The following MDM2 variants were observed in gnomAD, a reference collection of about 807,000 sequenced individuals.
The protein encoded by MDM2 is MDM2 proto-oncogene.
Under a neutral mutation model 64.3 loss-of-function variants are expected in MDM2, and 11 were observed. The observed-to-expected ratio is 0.17, with a 90% CI of 0.11 to 0.28. The LOEUF (loss-of-function observed/expected upper bound fraction) is 0.28. Among genes scored for constraint, MDM2 ranks in the 10% least tolerant of loss-of-function variants. The pLI is 1.00. For synonymous variants in MDM2, 194 were observed against 192.9 expected, an observed-to-expected ratio of 1.01 and a Z score of -0.05; for missense variants, 388 against 577.1, an observed-to-expected ratio of 0.67 and a Z score of 3.36.
At chr12:68,821,247 C>T (rs890128396) in intron 5 of MDM2, among the ~76,000 whole-genome samples, 3 of 151,912 alleles carry the variant, frequency 2.0e-5, no homozygotes, top group African/African-American at 4.8e-5. Flanking sequence ...GGGGTTTCAG[C>T]ATGTTGGCCA....
chr12:68,826,086 CA>C (rs916137446), intron 7 of MDM2, among the ~76,000 whole-genome samples: 5 of 151,926 alleles, frequency 3.3e-5, no homozygotes, highest in African/African-American at 1.2e-4. Flanking sequence ...CTTCAAATAG[CA>C]AAAAGGGCAG....
In MDM2 at chr12:68,842,231, T is replaced by C. The variant is rs1169665407; in HGVS notation, c.*2382T>C. On this transcript the variant is annotated 3_prime_UTR_variant, in exon 11 of 11. Transcript: ENST00000258149. Reference sequence around the variant, plus strand: ...TCAAACAAATGCCAAGCTATATTTATAATGAACAAATTCAAGAAAAAGGAC... The same window carrying C: ...TCAAACAAATGCCAAGCTATATTTACAATGAACAAATTCAAGAAAAAGGAC... 8.0e-6 allele frequency: 4 copies of C among 498,626 alleles called. No individual in the cohort carries two copies. In the Admixed American group the frequency reaches 9.2e-5, roughly 11 times the overall value. The allele number at this position is 498,626 out of a possible 1,614,324, so 30.9% of individuals were successfully genotyped here.
chr12:68,839,177 A>AT, intron 10 of MDM2, 97 bp from the exon 11 acceptor site: 2 of 1,073,040 alleles, frequency 1.9e-6, no homozygotes, highest in East Asian at 4.9e-5. Context: ...GAGCCCTATG[A>AT]TATACTTTAC....
In MDM2 at chr12:68,839,427, C is replaced by G; in HGVS notation, c.1072C>G (p.Gln358Glu). Residue 358 changes from glutamine (Q) to glutamate (E), a missense_variant, in exon 11 of 11, where the codon CAA becomes GAA. Gln to Glu is a conservative substitution (Grantham distance 29). Transcript: ENST00000258149. ...SEKAKLENST[Q>E]AEEGFDVPDC... ...GAAAGCCAAACTGGAAAACTCAACA[C>G]AAGCTGAAGAGGGCTTTGATGTTCC... 6.2e-7 allele frequency: 1 copy of G among 1,613,736 alleles called. No homozygotes were observed.
chr12:68,814,410 A>G (rs924281312), intron 3 of MDM2, among the ~76,000 whole-genome samples: 4 of 152,240 alleles, frequency 2.6e-5, no homozygotes, highest in African/African-American at 7.2e-5. Flanking sequence ...AATGTTTGCC[A>G]TAAGTACAGT....
chr12:68,849,983 C>T (rs1277663028), downstream of MDM2: 1 of 152,152 alleles, frequency 6.6e-6, no homozygotes, highest in African/African-American at 2.4e-5. Context: ...AGTTGTCAAA[C>T]AGCAAACAAA....
chr12:68,835,657 C>A (rs1157934489), intron 8 of MDM2, among the ~76,000 whole-genome samples, 172 bp from the exon 9 acceptor site: 2 of 152,198 alleles, frequency 1.3e-5, no homozygotes, highest in African/African-American at 4.8e-5. Flanking sequence ...GCTGGGGGGC[C>A]TAGTCTTCTG....
At chr12:68,824,296 C>T (rs1410248605) in intron 5 of MDM2, 67 bp from the exon 6 acceptor site, 1 of 1,078,808 alleles carries the variant, frequency 9.3e-7, no homozygotes. Context: ...GATAGCATAT[C>T]TACTGAGTAG....
At chr12:68,821,328 G>A (rs1400258024) in intron 5 of MDM2, among the ~76,000 whole-genome samples, 16 of 152,092 alleles carry the variant, frequency 1.1e-4, no homozygotes, top group Admixed American at 9.2e-4. Flanking sequence ...TTACAGGTAT[G>A]AGCCACTGCA....
Position 68,842,242 on chromosome 12 carries a change from T to C in MDM2, c.*2393T>C, listed in dbSNP as rs1286422726. The stretch of plus-strand genomic sequence containing the variant: ...CCAAGCTATATTTATAATGAACAAA[T>C]TCAAGAAAAAGGACTACGGAAAGTT... On this transcript the variant is annotated 3_prime_UTR_variant, in exon 11 of 11. Transcript: ENST00000258149. 2 of 497,900 alleles carry C rather than the reference T, an allele frequency of 4.0e-6. No homozygotes were observed. Among genetic ancestry groups the C allele is most frequent in the Non-Finnish European group, 7.9e-6 (2 of 252,146 alleles). The allele number at this position is 497,900 out of a possible 1,614,324, so 30.8% of individuals were successfully genotyped here.
At chr12:68,832,161 A>T (rs1882849252) in intron 8 of MDM2, among the ~76,000 whole-genome samples, 1 of 152,028 alleles carries the variant, frequency 6.6e-6, no homozygotes. Flanking sequence ...CTTCGTTTTA[A>T]TTTCCCTCAT....
intron 2 of MDM2, among the ~76,000 whole-genome samples, chr12:68,810,044 G>A (rs1880724918): frequency 6.6e-6 from 1 of 152,074 alleles, no homozygotes; most frequent in African/African-American, 2.4e-5. Flanking sequence ...GGCCTCGGTG[G>A]CTCACCCCTG....
rs773351956 is a variant in MDM2 at position 68,808,499 on chromosome 12, C to T, written c.14+8C>T. ...CCGGATGGTGAGGAGCAGGTACTGG[C>T]CCGGCAGCGAGCGGTCACTTTTGGG... On this transcript the variant is annotated splice_region_variant and intron_variant, in intron 1 of 10. Coordinates refer to ENST00000258149, the MANE Select transcript of MDM2 (RefSeq NM_002392.6). 20 of 1,614,138 alleles carry T rather than the reference C, an allele frequency of 1.2e-5. No individual in the cohort carries two copies. Among genetic ancestry groups the T allele is most frequent in the Non-Finnish European group, 1.7e-5 (20 of 1,179,990 alleles).
chr12:68,824,684 C>A, intron 7 of MDM2, 33 bp downstream of exon 7: 2 of 1,332,486 alleles, frequency 1.5e-6, no homozygotes, highest in Non-Finnish European at 2.1e-6. Flanking sequence ...CGCATTCACA[C>A]AGCTTTTTGA....
At chr12:68,835,212 T>C (rs1883208513) in intron 8 of MDM2, among the ~76,000 whole-genome samples, 1 of 152,236 alleles carries the variant, frequency 6.6e-6, no homozygotes, top group Non-Finnish European at 1.5e-5. Flanking sequence ...ATAATTTATG[T>C]GTGAGACTAT....
At chr12:68,829,037 A>G (rs868459041) in intron 8 of MDM2, 106 bp downstream of exon 8, 1 of 1,134,862 alleles carries the variant, frequency 8.8e-7, no homozygotes, top group South Asian at 1.8e-5. Context: ...TACGAGATTG[A>G]TAGAAAACAC....
Position 68,842,149 on chromosome 12 carries a change from A to G in MDM2, c.*2300A>G, listed in dbSNP as rs765367390. 1 of 464,146 alleles carries G rather than the reference A, an allele frequency of 2.2e-6. No individual in the cohort carries two copies. The highest frequency in any genetic ancestry group is 1.7e-5 in the South Asian group (1 of 57,730). 28.8% of individuals were successfully genotyped at this position (464,146 alleles called of 1,614,324 possible). A position where few individuals can be genotyped will look rare whatever the true frequency, so the allele number is the denominator to read the frequency against. ...GAAAAATATAGTAACAAGCCTGTCAAATATCTGCAAGAACTATGGAATAAA... is the reference window on the plus strand; with the variant it reads ...GAAAAATATAGTAACAAGCCTGTCAGATATCTGCAAGAACTATGGAATAAA... On this transcript the variant is annotated 3_prime_UTR_variant, in exon 11 of 11. Coordinates refer to ENST00000258149, the MANE Select transcript of MDM2 (RefSeq NM_002392.6).
chr12:68,847,947 T>C (rs1884446336), downstream of MDM2: 1 of 152,356 alleles, frequency 6.6e-6, no homozygotes, highest in Non-Finnish European at 1.5e-5. Context: ...GGAGGATCAC[T>C]TGAGGCCAGG....
chr12:68,819,189 G>GA (rs1881644452), intron 4 of MDM2, among the ~76,000 whole-genome samples: 1 of 152,136 alleles, frequency 6.6e-6, no homozygotes, highest in Non-Finnish European at 1.5e-5. Flanking sequence ...TCCCAAGGAT[G>GA]AAAAAAGATA....
Sources: allele counts gnomAD v4.1 joint callset (sites outside exome capture counted in the v4.1 genomes callset), GRCh38; gene constraint gnomAD v4.1.1; transcripts MANE v1.5; gene names NCBI Gene and HGNC (gene_info 2026-07-23, HGNC 2026-07-21).